ANXA4: variants seen among roughly 807,000 people sequenced by gnomAD.
ANXA4 encodes the protein annexin A4.
In ANXA4, 39 loss-of-function variants were observed where a neutral mutation model predicts 49.8. The ratio of observed to expected loss-of-function variants is 0.78; its 90% CI spans 0.61 to 1.02. The LOEUF (loss-of-function observed/expected upper bound fraction) is 1.02. ANXA4 is among the 50% of genes least tolerant of loss of function. The pLI, the probability that ANXA4 is intolerant of heterozygous loss-of-function variation, is 0.00. For synonymous variants in ANXA4, 134 were observed against 152.5 expected (o/e 0.88, Z 0.89); for missense variants, 360 against 410.1 (o/e 0.88, Z 1.05).
chr2:69,816,551 G>T lies in ANXA4; in HGVS notation c.628+357G>T, dbSNP rs183483971. ...TAGTAGATCAGGTAGCAATAAAATA[G>T]CAATGTTGGTTGATATTTATTCCTG... is the stretch of plus-strand genomic sequence containing the variant. On this transcript the variant is annotated intron_variant, in intron 9 of 12. Coordinates refer to ENST00000394295, the MANE Select transcript of ANXA4 (RefSeq NM_001153.5). The T allele has an allele frequency of 1.9e-3, 349 of 181,954 alleles. 3 individuals are homozygous for T. The highest frequency in any genetic ancestry group is 0.015 in the Middle Eastern group (6 of 392). The allele number at this position is 181,954 out of a possible 1,614,324, so 11.3% of individuals were successfully genotyped here.
At chr2:69,809,384 C>T (rs1673597888) in intron 6 of ANXA4, 1 of 152,188 alleles carries the variant, frequency 6.6e-6, no homozygotes, top group African/African-American at 2.4e-5. Context: ...GTTTTCTTCC[C>T]TGAGGGCTGT....
At chr2:69,668,462 A>T (rs558865655) in intron 2 of ANXA4, among the ~76,000 whole-genome samples, 10 of 152,254 alleles carry the variant, frequency 6.6e-5, no homozygotes, top group South Asian at 2.1e-4. Flanking sequence ...AAATTTTTTT[A>T]AAAAAAGTAT....
At chr2:69,811,813 A>G (rs1673715132) in intron 7 of ANXA4, among the ~76,000 whole-genome samples, 2 of 152,150 alleles carry the variant, frequency 1.3e-5, no homozygotes, top group African/African-American at 4.8e-5. Context: ...TCTTGTCTCC[A>G]ATATTTACTT....
At chr2:69,717,829 G>T (rs1435187257) in intron 2 of ANXA4, among the ~76,000 whole-genome samples, 1 of 152,102 alleles carries the variant, frequency 6.6e-6, no homozygotes, top group African/African-American at 2.4e-5. Context: ...ATCCCTATGG[G>T]CCTTGGCTTT....
upstream of ANXA4, among the ~76,000 whole-genome samples, chr2:69,644,145 G>T (rs940429190): frequency 1.8e-5 from 2 of 110,964 alleles, no homozygotes; most frequent in African/African-American, 3.5e-5. Flanking sequence ...ATCCCGTGAA[G>T]AAACTGCCAA....
intron 2 of ANXA4, among the ~76,000 whole-genome samples, chr2:69,710,062 A>G (rs1488516211): frequency 1.4e-5 from 2 of 139,538 alleles, no homozygotes; most frequent in Non-Finnish European, 3.0e-5. Flanking sequence ...AACTCAGCTC[A>G]CTGCAACCTC....
At chr2:69,771,641 T>C (rs1360024190) in intron 1 of ANXA4, among the ~76,000 whole-genome samples, 1 of 152,192 alleles carries the variant, frequency 6.6e-6, no homozygotes, top group African/African-American at 2.4e-5. Context: ...TTGTTCCACA[T>C]CCCTGCAGTC....
chr2:69,809,349 C>T (rs1436857990), intron 6 of ANXA4: 1 of 152,190 alleles, frequency 6.6e-6, no homozygotes, highest in African/African-American at 2.4e-5. Flanking sequence ...TTTAGCAACC[C>T]AATCCCCACA....
At chr2:69,718,818 A>T (rs1025618764) in intron 2 of ANXA4, among the ~76,000 whole-genome samples, 1 of 150,416 alleles carries the variant, frequency 6.6e-6, no homozygotes, top group African/African-American at 2.5e-5. Context: ...CACATGCTGC[A>T]CACATGCACA....
At chr2:69,770,774 C>T (rs1025174516) in intron 1 of ANXA4, among the ~76,000 whole-genome samples, 2 of 151,922 alleles carry the variant, frequency 1.3e-5, no homozygotes, top group Non-Finnish European at 2.9e-5. Flanking sequence ...CAGACACACA[C>T]ATATTGCTAA....
intron 1 of ANXA4, among the ~76,000 whole-genome samples, chr2:69,743,242 G>A (rs1280041347): frequency 1.3e-5 from 2 of 151,780 alleles, no homozygotes; most frequent in African/African-American, 4.8e-5. Flanking sequence ...TTTTGAGATG[G>A]AGTCTTGCTC....
intron 2 of ANXA4, among the ~76,000 whole-genome samples, chr2:69,707,341 A>G (rs12995081): frequency 4.4e-4 from 67 of 152,330 alleles, no homozygotes; most frequent in Non-Finnish European, 8.7e-4. Context: ...GCAAGCAGTA[A>G]TGTGTACAAA....
At chr2:69,771,407 T>C (rs1339581281) in intron 1 of ANXA4, among the ~76,000 whole-genome samples, 1 of 152,222 alleles carries the variant, frequency 6.6e-6, no homozygotes, top group Non-Finnish European at 1.5e-5. Context: ...TCCTTAAACA[T>C]GCTAATATCT....
intron 1 of ANXA4, among the ~76,000 whole-genome samples, chr2:69,760,445 C>T (rs1359399214): frequency 6.6e-6 from 1 of 152,158 alleles, no homozygotes; most frequent in Non-Finnish European, 1.5e-5. Flanking sequence ...TCTGTAGTCT[C>T]AAAGGATTTA....
chr2:69,656,309 ATATGTATATATATG>A (rs1314457331), intron 2 of ANXA4, among the ~76,000 whole-genome samples: 1 of 81,660 alleles, frequency 1.2e-5, no homozygotes, highest in African/African-American at 3.6e-5. Flanking sequence ...ATATATGTAT[ATATGTATATATATG>A]TATATATATG....
At chr2:69,822,277 C>G (rs1674277377) in intron 12 of ANXA4, among the ~76,000 whole-genome samples, 1 of 152,002 alleles carries the variant, frequency 6.6e-6, no homozygotes, top group Admixed American at 6.6e-5. Context: ...GGGATGATCA[C>G]CTGAGGCTGG....
At chr2:69,658,113 A>G (rs1453220249) in intron 2 of ANXA4, among the ~76,000 whole-genome samples, 1 of 152,130 alleles carries the variant, frequency 6.6e-6, no homozygotes, top group African/African-American at 2.4e-5. Context: ...GCAAAAAAAA[A>G]TAGGCGGGGC....
rs1271986491 is a variant in ANXA4 at position 69,814,439 on chromosome 2, A to G, written c.535-1662A>G. 4.4e-5 allele frequency among the ~76,000 whole-genome samples: 6 copies of G among 136,004 alleles called. 1 individual carries two copies. Among genetic ancestry groups the G allele is most frequent in the Middle Eastern group, 8.8e-3 (2 of 226 alleles). 89.2% of individuals were successfully genotyped at this position (136,004 alleles called of 152,430 possible). ...CGGCCCACTGCAACCTTCACCTCCC[A>G]GGCTCAAGTGATCCTCCCACCTCAG... On this transcript the variant is annotated intron_variant, in intron 8 of 12. Transcript: ENST00000394295.
chr2:69,673,687 G>GAC (rs72114703), intron 2 of ANXA4, among the ~76,000 whole-genome samples: 7,776 of 139,142 alleles, frequency 0.056, 251 homozygotes, highest in East Asian at 0.12. Flanking sequence ...TTTTTTCAAA[G>GAC]ACACACACAC....
Sources: allele counts gnomAD v4.1 joint callset (sites outside exome capture counted in the v4.1 genomes callset), GRCh38; gene constraint gnomAD v4.1.1; transcripts MANE v1.5; gene names NCBI Gene and HGNC (gene_info 2026-07-23, HGNC 2026-07-21).